Variants in DTX4 observed in about 807,000 individuals in gnomAD.
The protein encoded by DTX4 is deltex E3 ubiquitin ligase 4.
Under a neutral mutation model 57.6 loss-of-function variants are expected in DTX4, and 28 were observed. The ratio of observed to expected loss-of-function variants is 0.49; its 90% CI spans 0.36 to 0.67. The LOEUF (loss-of-function observed/expected upper bound fraction) is 0.67. DTX4 is among the 30% of genes least tolerant of loss of function. The pLI is 0.00. For synonymous variants in DTX4, 316 were observed against 331.0 expected, an observed-to-expected ratio of 0.95 and a Z score of 0.49; for missense variants, 715 against 836.8, an observed-to-expected ratio of 0.85 and a Z score of 1.80.
chr11:59,190,844 T>A (rs1862588451), intron 4 of DTX4, among the ~76,000 whole-genome samples: 2 of 152,172 alleles, frequency 1.3e-5, no homozygotes. Flanking sequence ...ACTCAACTCT[T>A]CTCAATTAAA....
At chr11:59,194,573 T>C (rs551202130) in intron 6 of DTX4, among the ~76,000 whole-genome samples, 120 of 152,354 alleles carry the variant, frequency 7.9e-4, no homozygotes, top group African/African-American at 2.3e-3. Context: ...GATTATCTCA[T>C]TTAATTCTCC....
At chr11:59,173,783 G>C (rs1862359827) in intron 1 of DTX4, among the ~76,000 whole-genome samples, 1 of 152,148 alleles carries the variant, frequency 6.6e-6, no homozygotes, top group Non-Finnish European at 1.5e-5. Context: ...CTTGGGGGGT[G>C]GGGAGTGGGG....
chr11:59,197,746 A>G (rs920116859), intron 7 of DTX4, among the ~76,000 whole-genome samples: 2 of 152,182 alleles, frequency 1.3e-5, no homozygotes, highest in Non-Finnish European at 2.9e-5. Flanking sequence ...GTCAGGTGAG[A>G]CTTCTGGAGT....
chr11:59,183,471 C>A (rs1862490890), intron 2 of DTX4, among the ~76,000 whole-genome samples: 1 of 152,186 alleles, frequency 6.6e-6, no homozygotes, highest in Non-Finnish European at 1.5e-5. Context: ...ATGGTGGCTG[C>A]AACCTTTGCC....
chr11:59,202,921 G>T (rs1862756953), intron 8 of DTX4, among the ~76,000 whole-genome samples: 1 of 152,154 alleles, frequency 6.6e-6, no homozygotes, highest in Non-Finnish European at 1.5e-5. Context: ...TTGCTTCTAG[G>T]CTACAAACCT....
intron 1 of DTX4, among the ~76,000 whole-genome samples, chr11:59,175,475 G>C (rs1007093907): frequency 1.2e-4 from 18 of 152,134 alleles, no homozygotes; most frequent in African/African-American, 4.1e-4. Context: ...GCCCGCCTCT[G>C]TTTGCCCTGG....
chr11:59,180,073 G>A (rs1862444888), intron 1 of DTX4, among the ~76,000 whole-genome samples: 4 of 152,210 alleles, frequency 2.6e-5, no homozygotes. Flanking sequence ...CTATTTTTGA[G>A]TTTTACATTC....
In DTX4 at chr11:59,188,795, A is replaced by T. The variant is rs1405499973; in HGVS notation, c.996A>T (p.Ala332=). The change falls in exon 3 of 9, where the codon GCA becomes GCT. Residue 332 remains alanine (A), a splice_region_variant and synonymous_variant. Coordinates refer to ENST00000227451, the MANE Select transcript of DTX4 (RefSeq NM_015177.2). ...CCAGTCCTGTCAACCCTGCCTTGGC[A>T]GGTAAGAGAAACCCCAGGATGCTCT... is the stretch of plus-strand genomic sequence containing the variant. ...NGSSPVNPAL[A]GITGILMSAA... 4 of 1,613,422 alleles carry T rather than the reference A, an allele frequency of 2.5e-6. No individual in the cohort carries two copies. The African/African-American group carries it at 5.3e-5, about 22-fold the overall frequency.
In DTX4 at chr11:59,191,151, G is replaced by T. The variant is rs1208286806; in HGVS notation, c.1197G>T (p.Gln399His). 2 of 1,573,424 alleles carry T rather than the reference G, an allele frequency of 1.3e-6. No individual in the cohort carries two copies. Among genetic ancestry groups the T allele is most frequent in the Non-Finnish European group, 1.7e-6 (2 of 1,159,476 alleles). The change falls in exon 5 of 9, where the codon CAG becomes CAT. Residue 399 changes from glutamine (Q) to histidine (H), a missense_variant. Gln to His is a conservative substitution (Grantham distance 24, BLOSUM62 0). Transcript: ENST00000227451. The stretch of plus-strand genomic sequence containing the variant: ...AGGAAGTGCTAAAAAAATATCTACA[G>T]AAAGTCCGGCACCCACCAGATGAGG... The part of the protein sequence containing the change: ...TPEEVLKKYL[Q>H]KVRHPPDEDC...
intron 1 of DTX4, among the ~76,000 whole-genome samples, chr11:59,175,870 C>T (rs1426775746): frequency 1.3e-5 from 2 of 151,574 alleles, no homozygotes; most frequent in South Asian, 2.1e-4. Context: ...TGACCTTGAC[C>T]AAGTCTCTAA....
intron 7 of DTX4, among the ~76,000 whole-genome samples, chr11:59,196,509 A>G (rs543150306): frequency 1.2e-4 from 18 of 152,382 alleles, no homozygotes; most frequent in South Asian, 6.2e-4. Context: ...TCAAAGTCCA[A>G]TGGACCTGGG....
chr11:59,179,519 A>G (rs904327589), intron 1 of DTX4, among the ~76,000 whole-genome samples: 12 of 152,214 alleles, frequency 7.9e-5, no homozygotes, highest in African/African-American at 2.9e-4. Flanking sequence ...CTGAGCTTAT[A>G]AAAGCCCCAG....
Position 59,207,763 on chromosome 11 carries a change from G to GTA in DTX4, c.*2854_*2855insTA. On this transcript the variant is annotated 3_prime_UTR_variant, in exon 9 of 9. Transcript: ENST00000227451. Reference sequence around the variant, plus strand: ...CAGAGTCTCCAGGGATGACAAATTGGATTGGAGACAAACCTCGTCAGATGC... The same window carrying GTA: ...CAGAGTCTCCAGGGATGACAAATTGGTAATTGGAGACAAACCTCGTCAGATGC... The GTA allele has an allele frequency of 6.6e-6, 1 of 152,622 alleles. No homozygotes were observed. Among genetic ancestry groups the GTA allele is most frequent in the African/African-American group, 2.4e-5 (1 of 41,442 alleles). The allele number at this position is 152,622 out of a possible 1,614,324, so 9.5% of individuals were successfully genotyped here. A position where few individuals can be genotyped will look rare whatever the true frequency, so the allele number is the denominator to read the frequency against.
intron 1 of DTX4, among the ~76,000 whole-genome samples, chr11:59,177,644 C>T (rs1862411685): frequency 6.6e-6 from 1 of 152,206 alleles, no homozygotes; most frequent in African/African-American, 2.4e-5. Flanking sequence ...CTCCAATCTG[C>T]CAAACAGAGG....
chr11:59,171,925 T>C (rs1446274236), upstream of DTX4, among the ~76,000 whole-genome samples: 1 of 152,034 alleles, frequency 6.6e-6, no homozygotes, highest in African/African-American at 2.4e-5. Flanking sequence ...GGCCGTGTCA[T>C]GGCGGGTCGC....
At chr11:59,172,921 T>C in intron 1 of DTX4, 115 bp downstream of exon 1, 1 of 723,072 alleles carries the variant, frequency 1.4e-6, no homozygotes, top group South Asian at 2.0e-5. Context: ...TGTGCAGCAG[T>C]GTCACCAAGA....
At chr11:59,199,602 T>C in intron 7 of DTX4, 82 bp from the exon 8 acceptor site, 3 of 1,058,368 alleles carry the variant, frequency 2.8e-6, no homozygotes, top group Non-Finnish European at 4.2e-6. Flanking sequence ...GTCATTATTA[T>C]TGAAATTAGT....
At chr11:59,204,608 C>T (rs2135528091) in intron 8 of DTX4, 68 bp from the exon 9 acceptor site, 4 of 1,426,088 alleles carry the variant, frequency 2.8e-6, no homozygotes, top group East Asian at 2.5e-5. Context: ...GGATTCTCTA[C>T]CGTCCAAGGG....
In DTX4 at chr11:59,179,992, G is replaced by A. The variant is rs1160815432; in HGVS notation, c.212-1747G>A. On this transcript the variant is annotated intron_variant, in intron 1 of 8. Coordinates refer to ENST00000227451, the MANE Select transcript of DTX4 (RefSeq NM_015177.2). ...CTCCATGGTTTCTCCATCCTGCTTA[G>A]ACATATAATAGAAAATAAATTACAA... is the stretch of plus-strand genomic sequence containing the variant. 2.0e-5 allele frequency among the ~76,000 whole-genome samples: 3 copies of A among 152,140 alleles called. No individual in the cohort carries two copies. The East Asian group carries it at 5.8e-4, about 29-fold the overall frequency.
Sources: allele counts gnomAD v4.1 joint callset (sites outside exome capture counted in the v4.1 genomes callset), GRCh38; gene constraint gnomAD v4.1.1; transcripts MANE v1.5; gene names NCBI Gene and HGNC (gene_info 2026-07-23, HGNC 2026-07-21).